Variants in LMTK3 observed in about 807,000 individuals in gnomAD.
LMTK3 encodes lemur tail kinase 3.
In LMTK3, 27 loss-of-function variants were observed where a neutral mutation model predicts 116.7. The ratio of observed to expected loss-of-function variants is 0.23; its 90% confidence interval spans 0.17 to 0.32. LMTK3 has a LOEUF of 0.32. LMTK3 is among the 10% of genes least tolerant of loss of function. The pLI is 1.00. For synonymous variants in LMTK3, 965 were observed against 971.0 expected (o/e 0.99, Z 0.11); for missense variants, 1,764 against 2,068.5 (o/e 0.85, Z 2.86).
At chr19:48,513,324 ATTTT>A (rs1014383858), upstream of LMTK3, 12 of 706,416 alleles carry the variant, frequency 1.7e-5, no homozygotes, top group Non-Finnish European at 2.8e-5. The surrounding 1 kb of genome is among the most constrained non-coding windows in gnomAD (Gnocchi z 5.6). Flanking sequence ...TGAGACAGGT[ATTTT>A]TTAATCATGC....
intron 12 of LMTK3, 140 bp downstream of exon 12, chr19:48,493,554 G>A (rs1972265423): frequency 1.1e-6 from 1 of 916,062 alleles, no homozygotes; most frequent in South Asian, 2.2e-5. Context: ...CCTCCCTTCA[G>A]GCCCCGCCCC....
At chr19:48,507,631 G>C (rs1025080631) in intron 5 of LMTK3, among the ~76,000 whole-genome samples, 1 of 152,174 alleles carries the variant, frequency 6.6e-6, no homozygotes, top group African/African-American at 2.4e-5. Flanking sequence ...ATATAATAGA[G>C]ACAGGGTCTC....
chr19:48,497,610 T>TGGCGGTGGCAGCGGTGGC lies in LMTK3; in HGVS notation c.3441_3458dup (p.Pro1149_Pro1154dup). 6.9e-6 allele frequency: 9 copies of TGGCGGTGGCAGCGGTGGC among 1,305,772 alleles called. No individual in the cohort carries two copies. Among genetic ancestry groups the TGGCGGTGGCAGCGGTGGC allele is most frequent in the East Asian group, 3.1e-5 (1 of 32,524 alleles). 80.9% of individuals were successfully genotyped at this position (1,305,772 alleles called of 1,614,324 possible). ...CCAGCCTCCTCGGCTGTGCCTCCGG[T>TGGCGGTGGCAGCGGTGGC]GGCGGTGGCAGCGGTGGCGGCGGTG... On this transcript the variant is annotated inframe_insertion, in exon 11 of 15. Coordinates refer to ENST00000600059, the MANE Select transcript of LMTK3 (RefSeq NM_001388485.1). This position sits in a 1 kb window ranked among gnomAD's most constrained non-coding sequence, Gnocchi z 5.7.
chr19:48,497,270 G>T lies in LMTK3; in HGVS notation c.3676+123C>A, dbSNP rs1678996200. The T allele has an allele frequency of 1.8e-6, 2 of 1,091,284 alleles. No individual in the cohort carries two copies. The highest frequency in any genetic ancestry group is 3.2e-5 in the East Asian group (1 of 31,716). The allele number at this position is 1,091,284 out of a possible 1,614,324, so 67.6% of individuals were successfully genotyped here. A position where few individuals can be genotyped will look rare whatever the true frequency, so the allele number is the denominator to read the frequency against. On this transcript the variant is annotated intron_variant, in intron 11 of 14. Coordinates refer to ENST00000600059, the MANE Select transcript of LMTK3 (RefSeq NM_001388485.1). This position sits in a 1 kb window ranked among gnomAD's most constrained non-coding sequence, Gnocchi z 5.7. Reference sequence around the variant, plus strand: ...GAGCCACGATGTGAGCCCAGGTGGTGCAGGCTTCAGGACCTGCATTCATCA... The same window carrying T: ...GAGCCACGATGTGAGCCCAGGTGGTTCAGGCTTCAGGACCTGCATTCATCA...
In LMTK3 at chr19:48,497,569, C is replaced by T; in HGVS notation, c.3500G>A (p.Arg1167Lys). ...QPRRLEPAPP[R>K]ARPEVAPEGE... is the part of the protein sequence containing the mutation. ...CTCGGGGGCCACCTCCGGCCTGGCT[C>T]TCGGGGGCGCTGGCTCCAGCCTCCT... is the stretch of plus-strand genomic sequence containing the variant. Residue 1167 changes from arginine (R) to lysine (K), a missense_variant, in exon 11 of 15, where the codon AGA becomes AAA. Transcript: ENST00000600059. The surrounding 1 kb of genome is among the most constrained non-coding windows in gnomAD (Gnocchi z 5.7). 1.5e-6 allele frequency: 2 copies of T among 1,350,932 alleles called. No homozygotes were observed. The highest frequency in any genetic ancestry group is 1.9e-6 in the Non-Finnish European group (2 of 1,050,382). 83.7% of individuals were successfully genotyped at this position (1,350,932 alleles called of 1,614,324 possible). A position where few individuals can be genotyped will look rare whatever the true frequency, so the allele number is the denominator to read the frequency against.
intron 5 of LMTK3, among the ~76,000 whole-genome samples, chr19:48,504,589 G>T (rs994041989): frequency 6.6e-6 from 1 of 151,048 alleles, no homozygotes; most frequent in African/African-American, 2.4e-5. Context: ...TTGCTCTTTC[G>T]CCCAGTCTGG....
chr19:48,485,954 C>T (rs1162932309), intron 14 of LMTK3, among the ~76,000 whole-genome samples, 165 bp from the exon 15 acceptor site: 1 of 152,064 alleles, frequency 6.6e-6, no homozygotes, highest in Non-Finnish European at 1.5e-5. Context: ...TCTGCTCCAG[C>T]CACTGGGCCT....
chr19:48,497,379 C>T lies in LMTK3; in HGVS notation c.3676+14G>A, dbSNP rs779282201. The T allele has an allele frequency of 2.7e-6, 4 of 1,467,450 alleles. No individual in the cohort carries two copies. The highest frequency in any genetic ancestry group is 2.7e-6 in the Non-Finnish European group (3 of 1,109,380). 90.9% of individuals were successfully genotyped at this position (1,467,450 alleles called of 1,614,324 possible). A position where few individuals can be genotyped will look rare whatever the true frequency, so the allele number is the denominator to read the frequency against. On this transcript the variant is annotated intron_variant, in intron 11 of 14. Transcript: ENST00000600059. The surrounding 1 kb of genome is among the most constrained non-coding windows in gnomAD (Gnocchi z 5.7). ...CCGGACCTCAGCCCTGACTGTGCCC[C>T]GCAGCCTCCTCACCTTTGATCTGCT... is the stretch of plus-strand genomic sequence containing the variant.
chr19:48,492,797 T>C (rs533649594), intron 12 of LMTK3, among the ~76,000 whole-genome samples: 40 of 151,868 alleles, frequency 2.6e-4, no homozygotes, highest in Non-Finnish European at 5.2e-4. Context: ...CAGTACCCCC[T>C]CTTTCCTTCC....
chr19:48,505,971 T>C (rs1473830093), intron 5 of LMTK3, among the ~76,000 whole-genome samples: 1 of 151,144 alleles, frequency 6.6e-6, no homozygotes, highest in East Asian at 1.9e-4. Context: ...TGAAACCCCG[T>C]CTCTACTAAA....
At position 48,493,676 on chromosome 19, in the gene LMTK3, C is replaced by T; in HGVS notation, c.4092+18G>A. ...TCCAGGCCGCGACCCCGAAACCGCG[C>T]CCTCTCGGGTTCCGCACCTGGTCGA... On this transcript the variant is annotated intron_variant, in intron 12 of 14. Coordinates refer to ENST00000600059, the MANE Select transcript of LMTK3 (RefSeq NM_001388485.1). 6.4e-7 allele frequency: 1 copy of T among 1,555,582 alleles called. No individual in the cohort carries two copies. Among genetic ancestry groups the T allele is most frequent in the Non-Finnish European group, 8.7e-7 (1 of 1,151,290 alleles).
chr19:48,499,564 G>T lies in LMTK3; in HGVS notation c.1505C>A (p.Ala502Asp). Residue 502 changes from alanine to aspartate, a missense_variant, in exon 11 of 15, where the codon GCC becomes GAC. By Grantham distance (126) the Ala-to-Asp change is moderately radical. Around this residue, in one of 7 missense-constraint regions of LMTK3, gnomAD observed 1,028 missense variants for 1,050.6 expected, o/e 0.98. Transcript: ENST00000600059. ...GGGGTTGGCGTGGGGGGCCGGGGGG[G>T]CCGACGCCGGCTGCCAGGCAGGTGC... ...GGAPAWQPAS[A>D]PPAPHANPSN... is the part of the protein sequence containing the mutation. 6.6e-7 allele frequency: 1 copy of T among 1,509,002 alleles called. No individual in the cohort carries two copies. 93.5% of individuals were successfully genotyped at this position (1,509,002 alleles called of 1,614,324 possible). A position where few individuals can be genotyped will look rare whatever the true frequency, so the allele number is the denominator to read the frequency against.
chr19:48,497,772 C>G lies in LMTK3; in HGVS notation c.3297G>C (p.Pro1099=). The G allele has an allele frequency of 7.3e-7, 1 of 1,375,710 alleles. No individual in the cohort carries two copies. The highest frequency in any genetic ancestry group is 9.3e-7 in the Non-Finnish European group (1 of 1,070,470). The allele number at this position is 1,375,710 out of a possible 1,614,324, so 85.2% of individuals were successfully genotyped here. Residue 1099 remains proline (P), a synonymous_variant, in exon 11 of 15, where the codon CCG becomes CCC. Transcript: ENST00000600059. The surrounding 1 kb of genome is among the most constrained non-coding windows in gnomAD (Gnocchi z 5.7). Reference sequence around the variant, plus strand: ...CCAGCCTCCCAGCCCCTGGGGCTCTCGGCGCCCCCCCAGTCTCGGGGGCTC... The same window carrying G: ...CCAGCCTCCCAGCCCCTGGGGCTCTGGGCGCCCCCCCAGTCTCGGGGGCTC... ...ERRAPETGGA[P]RAPGAGRLDL... is the part of the protein sequence containing the mutation.
intron 12 of LMTK3, among the ~76,000 whole-genome samples, chr19:48,492,546 C>T (rs1258324957): frequency 1.3e-5 from 2 of 152,098 alleles, no homozygotes; most frequent in South Asian, 2.1e-4. Context: ...TCGTTAGGTT[C>T]GCTCATCCCT....
chr19:48,502,370 G>T, intron 7 of LMTK3, 63 bp downstream of exon 7: 1 of 1,518,884 alleles, frequency 6.6e-7, no homozygotes, highest in Non-Finnish European at 8.9e-7. Context: ...CCCCTCCCCT[G>T]AGGCCTCACC....
intron 10 of LMTK3, 71 bp from the exon 11 acceptor site, chr19:48,499,988 G>C: frequency 7.0e-7 from 1 of 1,424,498 alleles, no homozygotes; most frequent in South Asian, 1.4e-5. Context: ...GGAGGGGACA[G>C]ACAACCAGAG....
chr19:48,499,373 C>T lies in LMTK3; in HGVS notation c.1696G>A (p.Ala566Thr), dbSNP rs576579711. The T allele has an allele frequency of 3.5e-6, 5 of 1,418,184 alleles. No homozygotes were observed. Among genetic ancestry groups the T allele is most frequent in the Non-Finnish European group, 3.7e-6 (4 of 1,081,170 alleles). 87.9% of individuals were successfully genotyped at this position (1,418,184 alleles called of 1,614,324 possible). Residue 566 changes from alanine to threonine, a missense_variant, in exon 11 of 15, where the codon GCC becomes ACC. Transcript: ENST00000600059. Reference protein sequence around the residue: ...DWDPLDPGVPAPQAPQAPSEV... With the variant: ...DWDPLDPGVPTPQAPQAPSEV... ...GAGGGGGCCTGGGGGGCCTGAGGGG[C>T]GGGCACTCCTGGGTCCAGGGGGTCC...
chr19:48,489,383 T>G (rs891884403), intron 14 of LMTK3, among the ~76,000 whole-genome samples: 12 of 152,084 alleles, frequency 7.9e-5, no homozygotes, highest in African/African-American at 2.9e-4. Flanking sequence ...GACCAGCCTG[T>G]CCAACATGGT....
intron 5 of LMTK3, among the ~76,000 whole-genome samples, chr19:48,506,583 G>A (rs1378349668): frequency 6.6e-6 from 1 of 152,230 alleles, no homozygotes; most frequent in South Asian, 2.1e-4. Context: ...TATTGCCTGT[G>A]TGTAACCGCG....
Sources: gnomAD v4.1 joint callset for allele counts (sites outside exome capture counted in the v4.1 genomes callset) on GRCh38, gnomAD v4.1.1 for gene constraint, gnomAD v4.1.1 regional missense constraint, Gnocchi (gnomAD v3.1) non-coding constraint, MANE v1.5 for transcripts, NCBI Gene and HGNC (gene_info 2026-07-23, HGNC 2026-07-21) for gene names.